ARCN1: variants seen among roughly 807,000 people sequenced by gnomAD.
The protein encoded by ARCN1 is archain 1 coat protein complex I subunit delta.
A neutral mutation model predicts 60.4 loss-of-function variants in ARCN1; 5 were observed. The observed-to-expected ratio is 0.08, with a 90% CI of 0.04 to 0.17. The LOEUF (loss-of-function observed/expected upper bound fraction) is 0.17. Among genes scored for constraint, ARCN1 ranks in the 10% least tolerant of loss-of-function variants. The pLI is 1.00. For synonymous variants in ARCN1, 224 were observed against 220.0 expected (o/e 1.02, Z -0.16); for missense variants, 464 against 626.5 (o/e 0.74, Z 2.77).
chr11:118,575,200 G>C (rs1180448993), intron 1 of ARCN1, among the ~76,000 whole-genome samples: 17 of 152,028 alleles, frequency 1.1e-4, no homozygotes, highest in Non-Finnish European at 2.2e-4. Flanking sequence ...GGATAGTCTC[G>C]ATCTCCTCAC....
chr11:118,581,627 G>A, intron 2 of ARCN1, 118 bp downstream of exon 2: 1 of 956,838 alleles, frequency 1.0e-6, no homozygotes, highest in Non-Finnish European at 1.5e-6. Flanking sequence ...CCGCACCCCA[G>A]CGACTTATTG....
chr11:118,597,762 A>T lies in ARCN1; in HGVS notation c.1297A>T (p.Ser433Cys). 1 of 1,614,204 alleles carries T rather than the reference A, an allele frequency of 6.2e-7. No homozygotes were observed. Among genetic ancestry groups the T allele is most frequent in the Non-Finnish European group, 8.5e-7 (1 of 1,180,042 alleles). The change falls in exon 9 of 10, where the codon AGT becomes TGT. Residue 433 changes from serine (S) to cysteine (C), a missense_variant. Physicochemically the swap from Ser to Cys is moderately radical, Grantham distance 112. Transcript: ENST00000264028. ...GATCGATGGGGAGTATCGACATGAC[A>T]GTCGACGAAATACCCTGGAGTGGTG... is the stretch of plus-strand genomic sequence containing the variant. ...GEIDGEYRHD[S>C]RRNTLEWCLP...
Position 118,581,401 on chromosome 11 carries a change from T to C in ARCN1, c.159T>C (p.Ser53=), listed in dbSNP as rs1555074588. The part of the protein sequence containing the change: ...GKQHTFVETE[S]VRYVYQPMEK... ...AACATACGTTTGTTGAAACAGAGAG[T>C]GTAAGATATGTCTACCAGCCTATGG... is the stretch of plus-strand genomic sequence containing the variant. The change falls in exon 2 of 10, where the codon AGT becomes AGC. Residue 53 remains serine, a synonymous_variant. Coordinates refer to ENST00000264028, the MANE Select transcript of ARCN1 (RefSeq NM_001655.5). 3.7e-6 allele frequency: 6 copies of C among 1,613,904 alleles called. No homozygotes were observed. Among genetic ancestry groups the C allele is most frequent in the Non-Finnish European group, 5.1e-6 (6 of 1,180,020 alleles).
intron 1 of ARCN1, among the ~76,000 whole-genome samples, chr11:118,580,808 C>G (rs1938633249): frequency 6.6e-6 from 1 of 152,112 alleles, no homozygotes; most frequent in African/African-American, 2.4e-5. Context: ...CAGGTGTGAG[C>G]CACTGTGCCC....
At chr11:118,600,325 A>G (rs913198664) in intron 9 of ARCN1, among the ~76,000 whole-genome samples, 1 of 152,196 alleles carries the variant, frequency 6.6e-6, no homozygotes, top group South Asian at 2.1e-4. Flanking sequence ...TATGAATTTC[A>G]TAGGTTATAC....
rs1156706092 is a variant in ARCN1 at position 118,584,834 on chromosome 11, A to AT, written c.818+199dup. Reference sequence around the variant, plus strand: ...TGGTTTTGTTTTGTTTTATTTACTTATTTTTTTTTGAGATGGAGTCTCACT... The same window carrying AT: ...TGGTTTTGTTTTGTTTTATTTACTTATTTTTTTTTTGAGATGGAGTCTCACT... On this transcript the variant is annotated intron_variant, in intron 5 of 9. Transcript: ENST00000264028. Among the ~76,000 whole-genome samples, 98 of 150,630 alleles carry AT rather than the reference A, an allele frequency of 6.5e-4. No individual in the cohort carries two copies. The East Asian group carries it at 8.6e-3, about 13-fold the overall frequency.
chr11:118,572,479 C>T lies in ARCN1; in HGVS notation c.-69C>T, dbSNP rs541171787. 8 of 1,566,158 alleles carry T rather than the reference C, an allele frequency of 5.1e-6. No individual in the cohort carries two copies. In the South Asian group the frequency reaches 8.0e-5, roughly 16 times the overall value. ...GCAGGTCCAGAGCTGCTGGTGCTCC[C>T]GTTCCCCAGACCCTACCCCTATCCC... is the stretch of plus-strand genomic sequence containing the variant. On this transcript the variant is annotated 5_prime_UTR_variant, in exon 1 of 10. Transcript: ENST00000264028.
intron 8 of ARCN1, among the ~76,000 whole-genome samples, chr11:118,597,499 A>T (rs527506855): frequency 6.6e-6 from 1 of 152,310 alleles, no homozygotes; most frequent in East Asian, 1.9e-4. Flanking sequence ...CATATTAACT[A>T]TATCTACAGA....
At chr11:118,584,786 A>G (rs1555075238) in intron 5 of ARCN1, 142 bp downstream of exon 5, 1 of 781,928 alleles carries the variant, frequency 1.3e-6, no homozygotes, top group Non-Finnish European at 1.9e-6. Flanking sequence ...AGCAGATTCT[A>G]CATATTAACA....
At chr11:118,594,786 A>G (rs11216923) in intron 8 of ARCN1, among the ~76,000 whole-genome samples, 25,195 of 149,088 alleles carry the variant, frequency 0.17, 2,650 homozygotes, top group East Asian at 0.54. Flanking sequence ...CTGACCTTAG[A>G]TGATCTGCCC....
At chr11:118,584,948 C>A (rs782747925) in intron 5 of ARCN1, among the ~76,000 whole-genome samples, 4 of 152,080 alleles carry the variant, frequency 2.6e-5, no homozygotes, top group Non-Finnish European at 5.9e-5. Flanking sequence ...GCCTCAGCCT[C>A]CCGAGTAGCT....
At chr11:118,589,116 T>G (rs1555075887) in intron 5 of ARCN1, among the ~76,000 whole-genome samples, 1 of 152,226 alleles carries the variant, frequency 6.6e-6, no homozygotes, top group East Asian at 1.9e-4. Context: ...ATCCCTAATC[T>G]TATAAAATAA....
chr11:118,578,290 T>C (rs1938570794), intron 1 of ARCN1, among the ~76,000 whole-genome samples: 1 of 152,160 alleles, frequency 6.6e-6, no homozygotes, highest in South Asian at 2.1e-4. Context: ...TAAATTTTAC[T>C]TGTATGGTAT....
At chr11:118,582,815 C>T (rs1007945106) in intron 2 of ARCN1, among the ~76,000 whole-genome samples, 8 of 149,784 alleles carry the variant, frequency 5.3e-5, no homozygotes, top group African/African-American at 2.0e-4. Context: ...CTGAGGCAAG[C>T]GGATCACCTG....
chr11:118,600,389 G>T (rs1204875606), intron 9 of ARCN1, among the ~76,000 whole-genome samples: 1 of 152,174 alleles, frequency 6.6e-6, no homozygotes, highest in Admixed American at 6.5e-5. Context: ...TAATACTACG[G>T]AACATCTCGT....
chr11:118,594,531 T>A (rs997622807), intron 8 of ARCN1, among the ~76,000 whole-genome samples: 3 of 152,084 alleles, frequency 2.0e-5, no homozygotes, highest in African/African-American at 7.2e-5. Context: ...GATCTGGAGC[T>A]GTTTTTATTT....
At chr11:118,594,516 T>C (rs1938983481) in intron 8 of ARCN1, among the ~76,000 whole-genome samples, 1 of 151,942 alleles carries the variant, frequency 6.6e-6, no homozygotes, top group Non-Finnish European at 1.5e-5. Context: ...AACAAGCCAG[T>C]TGTAGATCTG....
At chr11:118,585,758 C>T (rs1416098904) in intron 5 of ARCN1, among the ~76,000 whole-genome samples, 3 of 152,218 alleles carry the variant, frequency 2.0e-5, no homozygotes, top group Admixed American at 2.0e-4. Context: ...AGGCTGGTCT[C>T]GAACTCCTGG....
At position 118,601,911 on chromosome 11, in the gene ARCN1, G is replaced by C. The variant is rs1939156058; in HGVS notation, c.*1197G>C. ...CCAAATTTTCATTTCTCCACATTTT[G>C]GGTACTTAAGCTAAAACGTAATGGC... On this transcript the variant is annotated 3_prime_UTR_variant, in exon 10 of 10. Coordinates refer to ENST00000264028, the MANE Select transcript of ARCN1 (RefSeq NM_001655.5). 1 of 588,352 alleles carries C rather than the reference G, an allele frequency of 1.7e-6. No individual in the cohort carries two copies. The highest frequency in any genetic ancestry group is 2.1e-5 in the South Asian group (1 of 47,700). The allele number at this position is 588,352 out of a possible 1,614,324, so 36.4% of individuals were successfully genotyped here. A position where few individuals can be genotyped will look rare whatever the true frequency, so the allele number is the denominator to read the frequency against.
Sources: allele counts gnomAD v4.1 joint callset (sites outside exome capture counted in the v4.1 genomes callset), GRCh38; gene constraint gnomAD v4.1.1; transcripts MANE v1.5; gene names NCBI Gene and HGNC (gene_info 2026-07-23, HGNC 2026-07-21).